LDB3: variants seen among roughly 807,000 people sequenced by gnomAD.
The protein encoded by LDB3 is LIM domain binding 3, also known as LIM domain-binding protein 3.
In LDB3, 49 loss-of-function variants were observed where a neutral mutation model predicts 69.0. That is an observed-to-expected ratio of 0.71 (90% confidence interval 0.56 to 0.90). LDB3 has a LOEUF of 0.90. Ranked by LOEUF, LDB3 falls within the 40% of genes least tolerant of loss-of-function variation. The pLI is 0.00. For missense variants in LDB3, 928 were observed against 974.1 expected (o/e 0.95, Z 0.63); for synonymous variants, 387 against 396.2 (o/e 0.98, Z 0.28).
intron 7 of LDB3, among the ~76,000 whole-genome samples, chr10:86,693,742 C>T (rs1845878948): frequency 6.6e-6 from 1 of 152,228 alleles, no homozygotes; most frequent in Admixed American, 6.5e-5. Flanking sequence ...GCTCCAGCTG[C>T]TTTAAGTGCC....
chr10:86,670,133 G>C (rs1426192180), intron 2 of LDB3, among the ~76,000 whole-genome samples: 1 of 152,138 alleles, frequency 6.6e-6, no homozygotes, highest in Non-Finnish European at 1.5e-5. Context: ...ATGCTTACAG[G>C]AGGGGTGCTG....
intron 5 of LDB3, among the ~76,000 whole-genome samples, chr10:86,683,474 G>T (rs1340833132): frequency 6.6e-6 from 1 of 152,262 alleles, no homozygotes; most frequent in Non-Finnish European, 1.5e-5. Flanking sequence ...ACAGGGACTT[G>T]CTGCCTGCTC....
In LDB3 at chr10:86,718,751, A is replaced by G. The variant is rs1233560533; in HGVS notation, c.1882A>G (p.Thr628Ala). 2 of 1,614,178 alleles carry G rather than the reference A, an allele frequency of 1.2e-6. No individual in the cohort carries two copies. The highest frequency in any genetic ancestry group is 4.5e-5 in the East Asian group (2 of 44,868). Residue 628 changes from threonine to alanine, a missense_variant, in exon 12 of 14, where the codon ACA (threonine) becomes GCA (alanine). Physicochemically the swap from Thr to Ala is moderately conservative, Grantham distance 58. Coordinates refer to ENST00000361373, the MANE Select transcript of LDB3 (RefSeq NM_007078.3). ...GGAAGTAATGCATGCCTTGAGACAG[A>G]CATGGCACACCACCTGCTTCGTCTG... ...MGEVMHALRQ[T>A]WHTTCFVCAA...
chr10:86,702,634 C>G (rs969407960), intron 7 of LDB3, among the ~76,000 whole-genome samples: 1 of 152,186 alleles, frequency 6.6e-6, no homozygotes, highest in Admixed American at 6.5e-5. Context: ...AACTGTAGAC[C>G]TTAGATCAGG....
intron 13 of LDB3, among the ~76,000 whole-genome samples, chr10:86,732,009 C>T (rs6586032): frequency 0.34 from 31,078 of 90,182 alleles, 6,217 homozygotes; most frequent in African/African-American, 0.63. Context: ...CTTTCTTTTT[C>T]TTTTTTTTTT....
chr10:86,729,291 G>A (rs1348517367), intron 13 of LDB3, among the ~76,000 whole-genome samples: 1 of 152,182 alleles, frequency 6.6e-6, no homozygotes, highest in Non-Finnish European at 1.5e-5. Context: ...GTGAAGGCTG[G>A]GAGCCTGAGA....
At chr10:86,719,725 T>A (rs1847008277) in intron 12 of LDB3, among the ~76,000 whole-genome samples, 1 of 152,224 alleles carries the variant, frequency 6.6e-6, no homozygotes, top group African/African-American at 2.4e-5. Flanking sequence ...TCCTGCAGAT[T>A]CCTGTAATCT....
At position 86,668,672 on chromosome 10, in the gene LDB3, C is replaced by T. The variant is rs531819676; in HGVS notation, c.-20C>T. The T allele has an allele frequency of 1.7e-5, 27 of 1,602,538 alleles. No individual in the cohort carries two copies. In the South Asian group the frequency reaches 2.5e-4, roughly 15 times the overall value. On this transcript the variant is annotated 5_prime_UTR_variant, in exon 2 of 14. Coordinates refer to ENST00000361373, the MANE Select transcript of LDB3 (RefSeq NM_007078.3). ...CCTCTCTACCCTTTGTCTGCAGAGG[C>T]GGCCGCTGACAGCACCAGCATGTCT...
In LDB3 at chr10:86,696,213, C is replaced by T. The variant is rs139553145; in HGVS notation, c.896+3642C>T. ...CTGCTGCGCAGTCTCTCAGTTTTGC[C>T]CCCCCTGCAGCCACCTCGCTTACAC... On this transcript the variant is annotated intron_variant, in intron 7 of 13. Coordinates refer to ENST00000361373, the MANE Select transcript of LDB3 (RefSeq NM_007078.3). Among the ~76,000 whole-genome samples the T allele has an allele frequency of 4.6e-5, 7 of 152,212 alleles. No homozygotes were observed. In the South Asian group the frequency reaches 1.0e-3, roughly 23 times the overall value.
In LDB3 at chr10:86,706,548, C is replaced by A. The variant is rs544084461; in HGVS notation, c.914C>A (p.Ala305Glu). ...LRRSSTPIEH[A>E]PVCTSQATTP... Reference sequence around the variant, plus strand: ...CTCATCAGCACCCCTATTGAGCATGCGCCGGTGTGCACCAGCCAGGCCACC... The same window carrying A: ...CTCATCAGCACCCCTATTGAGCATGAGCCGGTGTGCACCAGCCAGGCCACC... Residue 305 changes from alanine (A) to glutamate (E), a missense_variant, in exon 8 of 14, where the codon GCG (alanine) becomes GAG (glutamate). Physicochemically the swap from Ala to Glu is moderately radical, Grantham distance 107 (BLOSUM62 -1). Transcript: ENST00000361373. The A allele has an allele frequency of 5.6e-6, 9 of 1,612,598 alleles. No individual in the cohort carries two copies. Among genetic ancestry groups the A allele is most frequent in the Admixed American group, 1.7e-5 (1 of 60,000 alleles).
intron 12 of LDB3, among the ~76,000 whole-genome samples, chr10:86,720,133 CCT>C (rs1204863730): frequency 1.3e-5 from 2 of 152,160 alleles, no homozygotes; most frequent in Non-Finnish European, 2.9e-5. Flanking sequence ...ACTTCTTTCC[CCT>C]GACTGTAAAT....
chr10:86,674,576 G>A (rs768172170), intron 2 of LDB3, among the ~76,000 whole-genome samples: 10 of 151,980 alleles, frequency 6.6e-5, no homozygotes, highest in Non-Finnish European at 1.5e-4. Flanking sequence ...ATTCTAGGCT[G>A]CACCCAGGGT....
At chr10:86,670,775 C>A (rs1010728439) in intron 2 of LDB3, among the ~76,000 whole-genome samples, 1 of 152,240 alleles carries the variant, frequency 6.6e-6, no homozygotes, top group Non-Finnish European at 1.5e-5. Flanking sequence ...TCTCGGCTTC[C>A]TTTAGGGGCA....
chr10:86,681,364 C>T (rs1301069258), intron 4 of LDB3, 72 bp from the exon 5 acceptor site: 5 of 1,590,554 alleles, frequency 3.1e-6, no homozygotes, highest in Non-Finnish European at 4.3e-6. Context: ...CAGGTCCACG[C>T]AGGAGCGCTG....
chr10:86,699,550 G>A lies in LDB3; in HGVS notation c.896+6979G>A, dbSNP rs1846166358. 4 of 1,475,528 alleles carry A rather than the reference G, an allele frequency of 2.7e-6. No homozygotes were observed. The highest frequency in any genetic ancestry group is 2.5e-4 in the Middle Eastern group (1 of 4,080). The allele number at this position is 1,475,528 out of a possible 1,614,324, so 91.4% of individuals were successfully genotyped here. ...TCTGCCCACCCCAGAGCTGATGCTG[G>A]GGCCCAGCCCCCTGCAGCTCTGTAC... On this transcript the variant is annotated intron_variant, in intron 7 of 13. Coordinates refer to ENST00000361373, the MANE Select transcript of LDB3 (RefSeq NM_007078.3). This position sits in a 1 kb window ranked among gnomAD's most constrained non-coding sequence, Gnocchi z 4.9.
intron 7 of LDB3, among the ~76,000 whole-genome samples, chr10:86,698,464 C>T (rs967789636): frequency 9.9e-5 from 15 of 152,172 alleles, no homozygotes; most frequent in Admixed American, 7.9e-4. Context: ...TGGATTCTGA[C>T]GCCTGTGGCA....
At chr10:86,670,807 C>T (rs749740463) in intron 2 of LDB3, among the ~76,000 whole-genome samples, 9 of 152,362 alleles carry the variant, frequency 5.9e-5, no homozygotes, top group East Asian at 3.9e-4. Context: ...ACCTAAGCCG[C>T]GGAGCAGGCT....
At chr10:86,728,831 C>T (rs576441114) in intron 13 of LDB3, among the ~76,000 whole-genome samples, 40 of 152,142 alleles carry the variant, frequency 2.6e-4, no homozygotes, top group Non-Finnish European at 4.6e-4. Context: ...CCACCCACCT[C>T]GGCCTCCCAA....
intron 8 of LDB3, among the ~76,000 whole-genome samples, chr10:86,709,248 G>T (rs1300959457): frequency 6.6e-6 from 1 of 152,124 alleles, no homozygotes; most frequent in African/African-American, 2.4e-5. Flanking sequence ...GAACTAGGAC[G>T]CTTTTTTTAA....
Sources: allele counts gnomAD v4.1 joint callset (sites outside exome capture counted in the v4.1 genomes callset), GRCh38; gene constraint gnomAD v4.1.1; non-coding constraint Gnocchi (gnomAD v3.1); transcripts MANE v1.5; gene names NCBI Gene and HGNC (gene_info 2026-07-23, HGNC 2026-07-21).